The following MFSD6 variants were observed in gnomAD, a reference collection of about 807,000 sequenced individuals.
MFSD6 encodes the protein major facilitator superfamily domain-containing protein 6.
Under a neutral mutation model 56.3 loss-of-function variants are expected in MFSD6, and 26 were observed. That is an observed-to-expected ratio of 0.46 (90% CI 0.34 to 0.64). The LOEUF is 0.64. Among genes scored for constraint, MFSD6 ranks in the 30% least tolerant of loss-of-function variants. MFSD6 has a pLI of 0.01. For missense variants in MFSD6, 750 were observed against 986.2 expected (o/e 0.76, Z 3.21); for synonymous variants, 331 against 366.9 (o/e 0.90, Z 1.12).
chr2:190,440,330 C>T (rs1435398832), intron 3 of MFSD6, among the ~76,000 whole-genome samples: 3 of 152,190 alleles, frequency 2.0e-5, no homozygotes, highest in African/African-American at 7.2e-5. Context: ...CATAGAGTAT[C>T]TGATTTCTGA....
At position 190,457,085 on chromosome 2, in the gene MFSD6, T is replaced by C. The variant is rs1305100123; in HGVS notation, c.1533-12673T>C. ...ACACTAACACTGCTAGTCCGTTTCT[T>C]ATGGTCCAATCCAGAGGTATTTCCT... On this transcript the variant is annotated intron_variant, in intron 3 of 7. Coordinates refer to ENST00000392328, the MANE Select transcript of MFSD6 (RefSeq NM_017694.4). This position sits in a 1 kb window ranked among gnomAD's most constrained non-coding sequence, Gnocchi z 5.1. Among the ~76,000 whole-genome samples the C allele has an allele frequency of 6.6e-6, 1 of 152,188 alleles. No individual in the cohort carries two copies. The highest frequency in any genetic ancestry group is 2.4e-5 in the African/African-American group (1 of 41,444).
chr2:190,417,965 G>GGTGTGTGTGTGTGTGTGT lies in MFSD6; in HGVS notation c.-54+2571_-54+2588dup, dbSNP rs59001642. Among the ~76,000 whole-genome samples the GGTGTGTGTGTGTGTGTGT allele has an allele frequency of 1.4e-5, 2 of 144,612 alleles. No homozygotes were observed. Among genetic ancestry groups the GGTGTGTGTGTGTGTGTGT allele is most frequent in the South Asian group, 2.2e-4 (1 of 4,458 alleles). The allele number at this position is 144,612 out of a possible 152,430, so 94.9% of individuals were successfully genotyped here. ...CTGACTTTTCATTTAACCCTTTAGT[G>GGTGTGTGTGTGTGTGTGT]GTGTGTGTGTGTGTGTGTGTGTGTG... On this transcript the variant is annotated intron_variant, in intron 2 of 7. Transcript: ENST00000392328. The surrounding 1 kb of genome is among the most constrained non-coding windows in gnomAD (Gnocchi z 5.7).
At chr2:190,435,953 C>T in intron 2 of MFSD6, 24 bp from the exon 3 acceptor site, 1 of 1,499,472 alleles carries the variant, frequency 6.7e-7, no homozygotes, top group Non-Finnish European at 8.9e-7. Flanking sequence ...ATTACTAAGC[C>T]ATCTTTTAAA....
intron 3 of MFSD6, among the ~76,000 whole-genome samples, chr2:190,468,970 C>G (rs1240159658): frequency 6.6e-6 from 1 of 152,116 alleles, no homozygotes; most frequent in East Asian, 1.9e-4. Flanking sequence ...CTCTTTGCTT[C>G]CAAACCAGCC....
In MFSD6 at chr2:190,456,454, A is replaced by C. The variant is rs1659001654; in HGVS notation, c.1533-13304A>C. 6.6e-6 allele frequency among the ~76,000 whole-genome samples: 1 copy of C among 152,176 alleles called. No homozygotes were observed. The highest frequency in any genetic ancestry group is 2.4e-5 in the African/African-American group (1 of 41,446). ...TGAGATCTGTGGAGCCGCATCAGGA[A>C]TTGAGGAATGGAAAAGATCGGGGCT... On this transcript the variant is annotated intron_variant, in intron 3 of 7. Coordinates refer to ENST00000392328, the MANE Select transcript of MFSD6 (RefSeq NM_017694.4). This position sits in a 1 kb window ranked among gnomAD's most constrained non-coding sequence, Gnocchi z 5.4.
chr2:190,408,265 C>G (rs1575806003), upstream of MFSD6: 1 of 151,896 alleles, frequency 6.6e-6, no homozygotes, highest in South Asian at 2.0e-4. Flanking sequence ...AAGGTCGCGC[C>G]GGCGGGAGCG....
chr2:190,466,259 G>T (rs1177492263), intron 3 of MFSD6, among the ~76,000 whole-genome samples: 1 of 152,180 alleles, frequency 6.6e-6, no homozygotes, highest in Non-Finnish European at 1.5e-5. Context: ...TAAGACTTCA[G>T]CACATGAACT....
rs1358883171 is a variant in MFSD6 at position 190,487,728 on chromosome 2, T to A, written c.1631-929T>A. Among the ~76,000 whole-genome samples the A allele has an allele frequency of 6.6e-6, 1 of 152,210 alleles. No individual in the cohort carries two copies. On this transcript the variant is annotated intron_variant, in intron 4 of 7. Transcript: ENST00000392328. The surrounding 1 kb of genome is among the most constrained non-coding windows in gnomAD (Gnocchi z 5.5). ...TTCACATTCATTATGATTGCTATTT[T>A]AAAAAGATATATATAAGTTCTGGCA...
At chr2:190,475,480 A>G (rs1688245134) in intron 4 of MFSD6, among the ~76,000 whole-genome samples, 2 of 152,178 alleles carry the variant, frequency 1.3e-5, no homozygotes, top group Admixed American at 6.5e-5. Context: ...AAGAGAATAA[A>G]ATACCTAGGA....
rs1351876660 is a variant in MFSD6, at chr2:190,485,778, T to C, written c.1631-2879T>C. The stretch of plus-strand genomic sequence containing the variant: ...GGAAATTAACTGTGTATGCTACTGC[T>C]AATCATCTAGTCCATCTTACTAGTT... On this transcript the variant is annotated intron_variant, in intron 4 of 7. Coordinates refer to ENST00000392328, the MANE Select transcript of MFSD6 (RefSeq NM_017694.4). The surrounding 1 kb of genome is among the most constrained non-coding windows in gnomAD (Gnocchi z 5.1). Among the ~76,000 whole-genome samples the C allele has an allele frequency of 6.6e-6, 1 of 150,856 alleles. No individual in the cohort carries two copies. The highest frequency in any genetic ancestry group is 2.4e-5 in the African/African-American group (1 of 41,016).
rs1390892360 is a variant in MFSD6, at chr2:190,495,354, T to TA, written c.1892-2084dup. Among the ~76,000 whole-genome samples, 3 of 152,050 alleles carry TA rather than the reference T, an allele frequency of 2.0e-5. No individual in the cohort carries two copies. Among genetic ancestry groups the TA allele is most frequent in the Non-Finnish European group, 1.5e-5 (1 of 67,958 alleles). On this transcript the variant is annotated intron_variant, in intron 6 of 7. Transcript: ENST00000392328. This position sits in a 1 kb window ranked among gnomAD's most constrained non-coding sequence, Gnocchi z 4.7. ...CTGCTGAAAGAAATCATACATGACA[T>TA]ACACAAATGGAAACATATCCCATGC...
intron 1 of MFSD6, among the ~76,000 whole-genome samples, chr2:190,414,121 G>C (rs1024124141): frequency 6.6e-6 from 1 of 152,022 alleles, no homozygotes; most frequent in Non-Finnish European, 1.5e-5. Context: ...TGTCTGGGGG[G>C]TTGGGTGGCA....
At chr2:190,484,205 G>A (rs1389555121) in intron 4 of MFSD6, among the ~76,000 whole-genome samples, 1 of 152,172 alleles carries the variant, frequency 6.6e-6, no homozygotes, top group Non-Finnish European at 1.5e-5. Context: ...CTGTGCCCTT[G>A]TTACTGTTGT....
In MFSD6 at chr2:190,500,328, T is replaced by C; in HGVS notation, c.*110T>C. 2 of 1,098,952 alleles carry C rather than the reference T, an allele frequency of 1.8e-6. No homozygotes were observed. Among genetic ancestry groups the C allele is most frequent in the Non-Finnish European group, 2.6e-6 (2 of 757,454 alleles). The allele number at this position is 1,098,952 out of a possible 1,614,324, so 68.1% of individuals were successfully genotyped here. A position where few individuals can be genotyped will look rare whatever the true frequency, so the allele number is the denominator to read the frequency against. The stretch of plus-strand genomic sequence containing the variant: ...TCCCCTGGAGGAGCACAGCACTGCA[T>C]ATGCTTCTAAATATCTAAACTCATT... On this transcript the variant is annotated 3_prime_UTR_variant, in exon 8 of 8. Transcript: ENST00000392328. This position sits in a 1 kb window ranked among gnomAD's most constrained non-coding sequence, Gnocchi z 5.3.
Position 190,500,945 on chromosome 2 carries a change from A to G in MFSD6, c.*727A>G, listed in dbSNP as rs1559149059. The G allele has an allele frequency of 6.6e-6, 1 of 152,236 alleles. No homozygotes were observed. Among genetic ancestry groups the G allele is most frequent in the African/African-American group, 2.4e-5 (1 of 41,458 alleles). The allele number at this position is 152,236 out of a possible 1,614,324, so 9.4% of individuals were successfully genotyped here. ...TTGTTTTAAATGGGCTTTGAGAAAA[A>G]AAACAGAAACAAGCGATTATTTCAA... On this transcript the variant is annotated 3_prime_UTR_variant, in exon 8 of 8. Transcript: ENST00000392328. This position sits in a 1 kb window ranked among gnomAD's most constrained non-coding sequence, Gnocchi z 5.3.
At chr2:190,464,207 T>C (rs1291211895) in intron 3 of MFSD6, among the ~76,000 whole-genome samples, 7 of 152,214 alleles carry the variant, frequency 4.6e-5, no homozygotes, top group Non-Finnish European at 1.0e-4. Flanking sequence ...TAACGGCAAA[T>C]ACTGAACTTC....
In MFSD6 at chr2:190,437,149, G is replaced by A. The variant is rs759249619; in HGVS notation, c.1120G>A (p.Val374Ile). 8 of 1,614,220 alleles carry A rather than the reference G, an allele frequency of 5.0e-6. No homozygotes were observed. Among genetic ancestry groups the A allele is most frequent in the East Asian group, 2.2e-5 (1 of 44,880 alleles). The change falls in exon 3 of 8, where the codon GTC (valine) becomes ATC (isoleucine). Residue 374 changes from valine to isoleucine, a missense_variant. Val to Ile is a conservative substitution (Grantham distance 29, BLOSUM62 3). This residue lies in a region of MFSD6 where 376 missense variants were observed against 437.9 expected (regional missense o/e 0.86). Coordinates refer to ENST00000392328, the MANE Select transcript of MFSD6 (RefSeq NM_017694.4). This position sits in a 1 kb window ranked among gnomAD's most constrained non-coding sequence, Gnocchi z 5.9. ...EYRNYQIVFI[V>I]FGVLMTMALI... ...CAGGAATTACCAGATCGTCTTCATC[G>A]TCTTCGGCGTTCTCATGACCATGGC...
chr2:190,450,950 A>G (rs958046887), intron 3 of MFSD6, among the ~76,000 whole-genome samples: 3 of 152,202 alleles, frequency 2.0e-5, no homozygotes, highest in African/African-American at 7.2e-5. Flanking sequence ...AGGAATCCTC[A>G]GTGATGCAGT....
rs767911553 is a variant in MFSD6 at position 190,496,958 on chromosome 2, T to C, written c.1892-481T>C. ...GATACAAGACTACAAATTGGGTTCA[T>C]TGTATACTGCTTGGGTGATGGTTGC... On this transcript the variant is annotated intron_variant, in intron 6 of 7. Transcript: ENST00000392328. The surrounding 1 kb of genome is among the most constrained non-coding windows in gnomAD (Gnocchi z 4.7). Among the ~76,000 whole-genome samples, 11 of 152,156 alleles carry C rather than the reference T, an allele frequency of 7.2e-5. No individual in the cohort carries two copies. Among genetic ancestry groups the C allele is most frequent in the Non-Finnish European group, 1.5e-4 (10 of 68,022 alleles).
Sources: gnomAD v4.1 joint callset for allele counts (sites outside exome capture counted in the v4.1 genomes callset) on GRCh38, gnomAD v4.1.1 for gene constraint, gnomAD v4.1.1 regional missense constraint, Gnocchi (gnomAD v3.1) non-coding constraint, MANE v1.5 for transcripts, NCBI Gene and HGNC (gene_info 2026-07-23, HGNC 2026-07-21) for gene names.